Variants in CDH12 observed in about 807,000 individuals in gnomAD.
CDH12 encodes the protein cadherin-12.
Under a neutral mutation model 74.1 loss-of-function variants are expected in CDH12, and 41 were observed. That is an observed-to-expected ratio of 0.55 (90% confidence interval 0.43 to 0.72). The LOEUF is 0.72. CDH12 is among the 30% of genes least tolerant of loss of function. The pLI is 0.00. For synonymous variants in CDH12, 399 were observed against 355.0 expected (o/e 1.12, Z -1.39); for missense variants, 945 against 977.2 (o/e 0.97, Z 0.44).
At chr5:22,413,827 C>A (rs905148267) in intron 2 of CDH12, among the ~76,000 whole-genome samples, 2 of 151,984 alleles carry the variant, frequency 1.3e-5, no homozygotes, top group African/African-American at 2.4e-5. Context: ...TTTTTAATAA[C>A]TTAATGTCAC....
intron 4 of CDH12, among the ~76,000 whole-genome samples, chr5:22,186,574 G>A (rs1281825576): frequency 6.6e-6 from 1 of 152,162 alleles, no homozygotes; most frequent in Non-Finnish European, 1.5e-5. Context: ...GGGTTCAAGT[G>A]ATGCTCCTGC....
chr5:22,113,914 A>T lies in CDH12; in HGVS notation c.-186-35052T>A, dbSNP rs545203113. On this transcript the variant is annotated intron_variant, in intron 4 of 14. Transcript: ENST00000382254. Reference sequence around the variant, plus strand: ...TCCTCTGAGCTTTCTGCTTACTCTGACTTCAGCCAATCAGAAGCAGTGGAG... The same window carrying T: ...TCCTCTGAGCTTTCTGCTTACTCTGTCTTCAGCCAATCAGAAGCAGTGGAG... Among the ~76,000 whole-genome samples the T allele has an allele frequency of 1.8e-4, 27 of 152,112 alleles. No homozygotes were observed. In the South Asian group the frequency reaches 3.5e-3, roughly 20 times the overall value.
Position 21,830,145 on chromosome 5 carries a change from G to T in CDH12, c.814+12016C>A, listed in dbSNP as rs752456959. Among the ~76,000 whole-genome samples, 99 of 124,670 alleles carry T rather than the reference G, an allele frequency of 7.9e-4. No individual in the cohort carries two copies. The Middle Eastern group carries it at 0.027, about 34-fold the overall frequency. The allele number at this position is 124,670 out of a possible 152,430, so 81.8% of individuals were successfully genotyped here. A position where few individuals can be genotyped will look rare whatever the true frequency, so the allele number is the denominator to read the frequency against. Reference sequence around the variant, plus strand: ...ACCCAGGAGGTGGAGGTTGCAGTGAGTCAAGATCCCACCATTACACTCCAG... The same window carrying T: ...ACCCAGGAGGTGGAGGTTGCAGTGATTCAAGATCCCACCATTACACTCCAG... On this transcript the variant is annotated intron_variant, in intron 8 of 14. Transcript: ENST00000382254.
chr5:22,491,137 C>T (rs2126640357), intron 2 of CDH12, among the ~76,000 whole-genome samples: 1 of 152,234 alleles, frequency 6.6e-6, no homozygotes, highest in African/African-American at 2.4e-5. Flanking sequence ...TGCTTCCTCC[C>T]CTTCCTCTCT....
At chr5:22,360,776 A>G (rs1351490409) in intron 3 of CDH12, among the ~76,000 whole-genome samples, 1 of 152,216 alleles carries the variant, frequency 6.6e-6, no homozygotes, top group Non-Finnish European at 1.5e-5. Flanking sequence ...CTGGTTCAAC[A>G]TATGCAAATC....
chr5:22,361,103 T>C (rs1315460866), intron 3 of CDH12, among the ~76,000 whole-genome samples: 1 of 152,046 alleles, frequency 6.6e-6, no homozygotes, highest in African/African-American at 2.4e-5. Flanking sequence ...GAGAAAGAAA[T>C]AAAGGATATT....
chr5:22,604,104 C>A (rs566685273), intron 1 of CDH12, among the ~76,000 whole-genome samples: 1 of 152,284 alleles, frequency 6.6e-6, no homozygotes, highest in South Asian at 2.1e-4. Flanking sequence ...AGCCATGTTT[C>A]AGAATATAGG....
intron 4 of CDH12, among the ~76,000 whole-genome samples, chr5:22,124,342 C>G (rs1200865379): frequency 1.3e-5 from 2 of 151,956 alleles, no homozygotes; most frequent in African/African-American, 4.8e-5. Flanking sequence ...CCAGGATGGT[C>G]TCAAAGTGCT....
chr5:21,979,449 C>A (rs925290269), intron 5 of CDH12, among the ~76,000 whole-genome samples: 2 of 152,250 alleles, frequency 1.3e-5, no homozygotes, highest in African/African-American at 4.8e-5. Flanking sequence ...AAAAAAGATA[C>A]CCTGCTCCAG....
intron 2 of CDH12, among the ~76,000 whole-genome samples, chr5:22,445,472 G>A (rs899217088): frequency 1.3e-5 from 2 of 152,064 alleles, no homozygotes; most frequent in Non-Finnish European, 2.9e-5. Context: ...ATGTCACAAG[G>A]ATTATGCCAG....
intron 4 of CDH12, among the ~76,000 whole-genome samples, chr5:22,126,296 C>T (rs540194417): frequency 1.3e-5 from 2 of 152,242 alleles, no homozygotes; most frequent in African/African-American, 4.8e-5. Flanking sequence ...GAGTCATCAG[C>T]TAAGTGGCCC....
chr5:22,801,306 G>A (rs1289907099), intron 1 of CDH12, among the ~76,000 whole-genome samples: 3 of 152,046 alleles, frequency 2.0e-5, no homozygotes, highest in Admixed American at 6.6e-5. Context: ...ATTAGGCTTC[G>A]TAGGTAGCTC....
intron 5 of CDH12, among the ~76,000 whole-genome samples, chr5:22,002,917 C>T (rs915853685): frequency 1.3e-5 from 2 of 152,020 alleles, no homozygotes; most frequent in Non-Finnish European, 2.9e-5. Context: ...TCACTGAGCA[C>T]TCTAAGAGAA....
chr5:22,668,299 C>T (rs1387444750), intron 1 of CDH12, among the ~76,000 whole-genome samples: 1 of 152,090 alleles, frequency 6.6e-6, no homozygotes, highest in East Asian at 1.9e-4. Context: ...CCACCATACA[C>T]ATGTAATAAG....
chr5:21,843,670 A>G (rs1444578561), intron 7 of CDH12, among the ~76,000 whole-genome samples: 3 of 152,006 alleles, frequency 2.0e-5, no homozygotes, highest in African/African-American at 7.2e-5. Flanking sequence ...ATGCGCCACC[A>G]TGCCTGGCTT....
intron 3 of CDH12, among the ~76,000 whole-genome samples, chr5:22,340,452 A>C (rs1739794535): frequency 6.6e-6 from 1 of 151,414 alleles, no homozygotes; most frequent in Non-Finnish European, 1.5e-5. Context: ...GTGTGAACCC[A>C]GGAGCAGAGT....
At chr5:22,544,653 A>C (rs1561481209) in intron 1 of CDH12, among the ~76,000 whole-genome samples, 1 of 151,894 alleles carries the variant, frequency 6.6e-6, no homozygotes, top group African/African-American at 2.4e-5. Context: ...CTGTCTCTAC[A>C]AAAAAATACA....
Position 22,315,667 on chromosome 5 carries a change from C to CA in CDH12, c.-333+89589dup, listed in dbSNP as rs374574079. On this transcript the variant is annotated intron_variant, in intron 3 of 14. Coordinates refer to ENST00000382254, the MANE Select transcript of CDH12 (RefSeq NM_004061.5). ...TGTAGACTGGATTCTATCCTAGCTA[C>CA]AAAAAAAATGTATTTTTTAGAGTTT... 1.5e-3 allele frequency among the ~76,000 whole-genome samples: 226 copies of CA among 151,598 alleles called. 1 individual carries two copies. Among genetic ancestry groups the CA allele is most frequent in the African/African-American group, 4.1e-3 (171 of 41,338 alleles).
chr5:22,302,406 T>C (rs1481995750), intron 3 of CDH12, among the ~76,000 whole-genome samples: 2 of 152,204 alleles, frequency 1.3e-5, no homozygotes, highest in Non-Finnish European at 2.9e-5. Flanking sequence ...AGGAGGCTTA[T>C]TTCATAACAC....
Sources: allele counts gnomAD v4.1 joint callset (sites outside exome capture counted in the v4.1 genomes callset), GRCh38; gene constraint gnomAD v4.1.1; transcripts MANE v1.5; gene names NCBI Gene and HGNC (gene_info 2026-07-23, HGNC 2026-07-21).